PRF1: variants seen among roughly 807,000 people sequenced by gnomAD.
The protein encoded by PRF1 is perforin-1.
In PRF1, 11 loss-of-function variants were observed where a neutral mutation model predicts 11.7. The observed-to-expected ratio is 0.94, with a 90% CI of 0.59 to 1.56. The LOEUF is 1.56. Among genes scored for constraint, PRF1 ranks in the 40% most tolerant of loss-of-function variants. The pLI is 0.00. For missense variants in PRF1, 729 were observed against 751.0 expected (o/e 0.97, Z 0.34); for synonymous variants, 314 against 327.8 (o/e 0.96, Z 0.45).
chr10:70,598,665 G>A lies in PRF1; in HGVS notation c.1056C>T (p.Ser352=), dbSNP rs1313354526. The A allele has an allele frequency of 1.2e-6, 2 of 1,613,876 alleles. No individual in the cohort carries two copies. The highest frequency in any genetic ancestry group is 3.3e-5 in the Admixed American group (2 of 60,028). Residue 352 remains serine (S), a synonymous_variant, in exon 3 of 3, where the codon AGC becomes AGT. Transcript: ENST00000441259. ...TCAGTGCCTCCCGCCGCGGGTCCTG[G>A]CTGTCCAGCAGCACGTGCAGGGGTT... ...TLEPLHVLLD[S]QDPRREALRR...
chr10:70,598,886 A>G lies in PRF1; in HGVS notation c.835T>C (p.Cys279Arg). The G allele has an allele frequency of 1.9e-6, 3 of 1,614,196 alleles. No individual in the cohort carries two copies. The highest frequency in any genetic ancestry group is 2.5e-6 in the Non-Finnish European group (3 of 1,180,028). Residue 279 changes from cysteine to arginine, a missense_variant, in exon 3 of 3, where the codon TGT becomes CGT. By Grantham distance (180) the Cys-to-Arg change is radical. Coordinates refer to ENST00000441259, the MANE Select transcript of PRF1 (RefSeq NM_001083116.3). Reference protein sequence around the residue: ...HGSISAEAKACEEKKKKHKMT... With the variant: ...HGSISAEAKAREEKKKKHKMT... Reference sequence around the variant, plus strand: ...TTGTGCTTCTTCTTCTTCTCCTCACAGGCCTTGGCTTCGGCAGAGATGCTG... The same window carrying G: ...TTGTGCTTCTTCTTCTTCTCCTCACGGGCCTTGGCTTCGGCAGAGATGCTG...
At position 70,601,760 on chromosome 10, in the gene PRF1, C is replaced by T. The variant is rs151250994; in HGVS notation, c.-30-828G>A. On this transcript the variant is annotated intron_variant, in intron 1 of 2. Coordinates refer to ENST00000441259, the MANE Select transcript of PRF1 (RefSeq NM_001083116.3). ...AGGAGAATCGCTTGAACCCAGGAGGCGGAGGTTGCAGTGAGCCAAGATCGT... is the reference window on the plus strand; with the variant it reads ...AGGAGAATCGCTTGAACCCAGGAGGTGGAGGTTGCAGTGAGCCAAGATCGT... Among the ~76,000 whole-genome samples, 598 of 141,520 alleles carry T rather than the reference C, an allele frequency of 4.2e-3. 6 individuals carry two copies. Among genetic ancestry groups the T allele is most frequent in the African/African-American group, 0.015 (567 of 37,528 alleles). 92.8% of individuals were successfully genotyped at this position (141,520 alleles called of 152,430 possible).
intron 1 of PRF1, 103 bp from the exon 2 acceptor site, chr10:70,601,035 G>A: frequency 2.1e-6 from 3 of 1,436,504 alleles, no homozygotes; most frequent in Non-Finnish European, 1.9e-6. Flanking sequence ...TATCTCTTAA[G>A]TCATTATTCA....
In PRF1 at chr10:70,598,969, T is replaced by C; in HGVS notation, c.752A>G (p.Asp251Gly). The change falls in exon 3 of 3, where the codon GAC becomes GGC. Residue 251 changes from aspartate to glycine, a missense_variant. By Grantham distance (94) the Asp-to-Gly change is moderately conservative. Coordinates refer to ENST00000441259, the MANE Select transcript of PRF1 (RefSeq NM_001083116.3). ...TCELALEGLT[D>G]NEVEDCLTVE... is the part of the protein sequence containing the mutation. ...AGTCAGGCAGTCCTCCACCTCGTTG[T>C]CCGTGAGCCCTTCCAGGGCCAGCTC... The C allele has an allele frequency of 5.0e-6, 8 of 1,614,256 alleles. No individual in the cohort carries two copies. The highest frequency in any genetic ancestry group is 6.8e-6 in the Non-Finnish European group (8 of 1,180,048).
chr10:70,598,949 G>A lies in PRF1; in HGVS notation c.772C>T (p.Leu258=). The A allele has an allele frequency of 1.2e-6, 2 of 1,614,256 alleles. No individual in the cohort carries two copies. Among genetic ancestry groups the A allele is most frequent in the Admixed American group, 3.3e-5 (2 of 60,034 alleles). The change falls in exon 3 of 3, where the codon CTG becomes TTG. Residue 258 remains leucine (L), a synonymous_variant. Transcript: ENST00000441259. ...ATGTTGACCTGGGCCTCGACAGTCA[G>A]GCAGTCCTCCACCTCGTTGTCCGTG... ...GLTDNEVEDC[L]TVEAQVNIGI...
intron 1 of PRF1, among the ~76,000 whole-genome samples, chr10:70,601,737 G>A (rs988108204): frequency 1.3e-5 from 2 of 150,596 alleles, no homozygotes; most frequent in African/African-American, 4.9e-5. Flanking sequence ...GCTGAGACAG[G>A]AGAATCGCTT....
rs886047111 is a variant in PRF1 at position 70,602,667 on chromosome 10, G to A, written c.-53C>T. 1 of 152,186 alleles carries A rather than the reference G, an allele frequency of 6.6e-6. No individual in the cohort carries two copies. The highest frequency in any genetic ancestry group is 1.5e-5 in the Non-Finnish European group (1 of 68,116). 9.4% of individuals were successfully genotyped at this position (152,186 alleles called of 1,614,324 possible). On this transcript the variant is annotated 5_prime_UTR_variant, in exon 1 of 3. Coordinates refer to ENST00000441259, the MANE Select transcript of PRF1 (RefSeq NM_001083116.3). ...TACCTGGAATCCCGTATAGAGAAGC[G>A]GCTACACAGATGGATATCCTCTCTT...
In PRF1 at chr10:70,598,362, C is replaced by T; in HGVS notation, c.1359G>A (p.Val453=). The change falls in exon 3 of 3, where the codon GTG becomes GTA. Residue 453 remains valine, a synonymous_variant. Transcript: ENST00000441259. ...ACCAGATGGGGTTGTTATTGTCCCA[C>T]ACGGTGCTCGTCCTCAGCTCCTGGC... ...FGGQELRTST[V]WDNNNPIWSV... The T allele has an allele frequency of 6.2e-7, 1 of 1,614,244 alleles. No individual in the cohort carries two copies. Among genetic ancestry groups the T allele is most frequent in the Non-Finnish European group, 8.5e-7 (1 of 1,180,040 alleles).
At chr10:70,599,205 CTG>C in intron 2 of PRF1, 24 bp from the exon 3 acceptor site, 1 of 1,613,832 alleles carries the variant, frequency 6.2e-7, no homozygotes, top group Non-Finnish European at 8.5e-7. Context: ...GAGACCTCAG[CTG>C]GGCCCAGGGG....
Position 70,600,379 on chromosome 10 carries a change from T to C in PRF1, c.524A>G (p.Glu175Gly). The C allele has an allele frequency of 6.2e-7, 1 of 1,614,040 alleles. No homozygotes were observed. Among genetic ancestry groups the C allele is most frequent in the South Asian group, 1.1e-5 (1 of 91,068 alleles). The change falls in exon 2 of 3, where the codon GAG becomes GGG. Residue 175 changes from glutamate (E) to glycine (G), a missense_variant. Glu to Gly is a moderately conservative substitution (Grantham distance 98). Coordinates refer to ENST00000441259, the MANE Select transcript of PRF1 (RefSeq NM_001083116.3). This position sits in a 1 kb window ranked among gnomAD's most constrained non-coding sequence, Gnocchi z 4.9. ...CAGCTCTCACCTGTAGAAGCGGCAC[T>C]CCACCGTGTCAGTGCTGAAGCTGTA... ...DQYSFSTDTV[E>G]CRFYSFHVVH...
chr10:70,598,742 C>G lies in PRF1; in HGVS notation c.979G>C (p.Ala327Pro), dbSNP rs1213351907. Residue 327 changes from alanine (A) to proline (P), a missense_variant, in exon 3 of 3, where the codon GCC becomes CCC. Physicochemically the swap from Ala to Pro is conservative, Grantham distance 27. Coordinates refer to ENST00000441259, the MANE Select transcript of PRF1 (RefSeq NM_001083116.3). ...GIQAGPEQYS[A>P]WVNSLPGSPG... is the part of the protein sequence containing the mutation. ...CTGCCGGGCAGCGAGTTTACCCAGG[C>G]TGAGTACTGCTCGGGCCCGGCCTGG... is the stretch of plus-strand genomic sequence containing the variant. The G allele has an allele frequency of 6.2e-7, 1 of 1,614,242 alleles. No homozygotes were observed. Among genetic ancestry groups the G allele is most frequent in the South Asian group, 1.1e-5 (1 of 91,092 alleles).
rs771218500 is a variant in PRF1, at chr10:70,598,674, C to T, written c.1047G>A (p.Leu349=). ...VDYTLEPLHV[L]LDSQDPRREA... is the part of the protein sequence containing the mutation. ...CCCGCCGCGGGTCCTGGCTGTCCAG[C>T]AGCACGTGCAGGGGTTCCAGGGTGT... The change falls in exon 3 of 3, where the codon CTG becomes CTA. Residue 349 remains leucine, a synonymous_variant. Coordinates refer to ENST00000441259, the MANE Select transcript of PRF1 (RefSeq NM_001083116.3). The T allele has an allele frequency of 2.5e-6, 4 of 1,614,034 alleles. No homozygotes were observed. The South Asian group carries it at 4.4e-5, about 18-fold the overall frequency.
Position 70,597,698 on chromosome 10 carries a change from G to T in PRF1, c.*355C>A, listed in dbSNP as rs1848144009. 2 of 596,250 alleles carry T rather than the reference G, an allele frequency of 3.4e-6. No individual in the cohort carries two copies. The highest frequency in any genetic ancestry group is 4.2e-5 in the South Asian group (2 of 47,412). The allele number at this position is 596,250 out of a possible 1,614,324, so 36.9% of individuals were successfully genotyped here. A position where few individuals can be genotyped will look rare whatever the true frequency, so the allele number is the denominator to read the frequency against. On this transcript the variant is annotated 3_prime_UTR_variant, in exon 3 of 3. Coordinates refer to ENST00000441259, the MANE Select transcript of PRF1 (RefSeq NM_001083116.3). ...GAATCGGGATTAGCGTGTAAACCCA[G>T]CCACCTCCCTGAAAAACAGTCTGAA...
chr10:70,602,430 G>T (rs1240067601), intron 1 of PRF1, among the ~76,000 whole-genome samples: 2 of 152,114 alleles, frequency 1.3e-5, no homozygotes, highest in Non-Finnish European at 2.9e-5. Flanking sequence ...TTTAATGTCA[G>T]CACTTGCAGG....
In PRF1 at chr10:70,599,124, G is replaced by C; in HGVS notation, c.597C>G (p.Asp199Glu). ...TGGAGGCGTTGAAGTGGTGGGGCAG[G>C]TCCCCGAGGGCCCTCTTGAAGTCAG... The part of the protein sequence containing the change: ...LHPDFKRALG[D>E]LPHHFNASTQ... The change falls in exon 3 of 3, where the codon GAC becomes GAG. Residue 199 changes from aspartate (D) to glutamate (E), a missense_variant. Transcript: ENST00000441259. 1 of 1,614,180 alleles carries C rather than the reference G, an allele frequency of 6.2e-7. No homozygotes were observed. The highest frequency in any genetic ancestry group is 8.5e-7 in the Non-Finnish European group (1 of 1,180,012).
Position 70,600,831 on chromosome 10 carries a change from G to C in PRF1, c.72C>G (p.His24Gln). ...GCTTGCACTCTGAGCGTGCGGCTGT[G>C]TGGCACGGGGCAGGGACGGGCAGGG... ...LLPLPVPAPC[H>Q]TAARSECKRS... The change falls in exon 2 of 3, where the codon CAC becomes CAG. Residue 24 changes from histidine (H) to glutamine (Q), a missense_variant. Coordinates refer to ENST00000441259, the MANE Select transcript of PRF1 (RefSeq NM_001083116.3). The surrounding 1 kb of genome is among the most constrained non-coding windows in gnomAD (Gnocchi z 4.9). 1.2e-6 allele frequency: 2 copies of C among 1,612,622 alleles called. No homozygotes were observed. Among genetic ancestry groups the C allele is most frequent in the Non-Finnish European group, 1.7e-6 (2 of 1,179,568 alleles).
chr10:70,598,542 G>T lies in PRF1; in HGVS notation c.1179C>A (p.Cys393Ter). 1 of 1,613,170 alleles carries T rather than the reference G, an allele frequency of 6.2e-7. No individual in the cohort carries two copies. Among genetic ancestry groups the T allele is most frequent in the South Asian group, 1.1e-5 (1 of 91,052 alleles). ...CCGCTGAGCCATGGCACACACACTG[G>T]CATGGGTCTCGGGGGCTCTTCTGCC... is the stretch of plus-strand genomic sequence containing the variant. ...PGRQKSPRDP[C>*]QCVCHGSAVT... Residue 393 changes from cysteine to a stop codon, truncating the protein, a stop_gained, in exon 3 of 3, where the codon TGC becomes TGA. Coordinates refer to ENST00000441259, the MANE Select transcript of PRF1 (RefSeq NM_001083116.3). LOFTEE classifies it low-confidence loss of function (END_TRUNC).
chr10:70,598,107 G>T lies in PRF1; in HGVS notation c.1614C>A (p.Val538=), dbSNP rs1362571896. ...GAGGCTCCCCCAGAAGCATTTGGGG[G>T]ACATAGTCCAGGCAGGTGCCTCCTC... ...HLGGGTCLDY[V]PQMLLGEPPG... Residue 538 remains valine, a synonymous_variant, in exon 3 of 3, where the codon GTC becomes GTA. Coordinates refer to ENST00000441259, the MANE Select transcript of PRF1 (RefSeq NM_001083116.3). 1 of 1,614,086 alleles carries T rather than the reference G, an allele frequency of 6.2e-7. No homozygotes were observed. Among genetic ancestry groups the T allele is most frequent in the African/African-American group, 1.3e-5 (1 of 75,024 alleles).
chr10:70,599,022 T>C lies in PRF1; in HGVS notation c.699A>G (p.Ile233Met). Reference protein sequence around the residue: ...FIRAVELGGRISALTALRTCE... With the variant: ...FIRAVELGGRMSALTALRTCE... ...AGGTGCGCAGGGCAGTGAGGGCCGA[T>C]ATGCGGCCACCCAGCTCCACAGCCC... The change falls in exon 3 of 3, where the codon ATA becomes ATG. Residue 233 changes from isoleucine (I) to methionine (M), a missense_variant. Transcript: ENST00000441259. 1.2e-6 allele frequency: 2 copies of C among 1,613,722 alleles called. No individual in the cohort carries two copies. Among genetic ancestry groups the C allele is most frequent in the Non-Finnish European group, 1.7e-6 (2 of 1,179,676 alleles).
Sources: gnomAD v4.1 joint callset for allele counts (sites outside exome capture counted in the v4.1 genomes callset) on GRCh38, gnomAD v4.1.1 for gene constraint, Gnocchi (gnomAD v3.1) non-coding constraint, MANE v1.5 for transcripts, NCBI Gene and HGNC (gene_info 2026-07-23, HGNC 2026-07-21) for gene names.